The following SYTL5 variants were observed in gnomAD, a reference collection of about 807,000 sequenced individuals.
SYTL5 encodes the protein synaptotagmin like 5.
A neutral mutation model predicts 55.9 loss-of-function variants in SYTL5; 34 were observed. That is an observed-to-expected ratio of 0.61 (90% CI 0.46 to 0.81). The LOEUF (loss-of-function observed/expected upper bound fraction) is 0.81. Among genes scored for constraint, SYTL5 ranks in the 30% least tolerant of loss-of-function variants. The pLI is 0.00. For synonymous variants in SYTL5, 221 were observed against 188.7 expected (o/e 1.17, Z -1.40); for missense variants, 637 against 546.7 (o/e 1.17, Z -1.65).
chrX:37,956,787 T>G, the SYTL5 span, among the ~76,000 whole-genome samples: 1 of 111,950 alleles, frequency 8.9e-6, no homozygotes, highest in Non-Finnish European at 1.9e-5. Context: ...ATATTTCTAT[T>G]TAATACCAGT....
chrX:37,976,781 C>T, the SYTL5 span, among the ~76,000 whole-genome samples: 10 of 99,139 alleles, frequency 1.0e-4, no homozygotes, highest in Non-Finnish European at 1.8e-4. Flanking sequence ...TGGTGAGGCC[C>T]TGTCTCTACT....
In SYTL5 at chrX:38,054,340, G is replaced by T. The variant is rs376473841; in HGVS notation, c.247G>T (p.Ala83Ser). The change falls in exon 3 of 17, where the codon GCT becomes TCT. Residue 83 changes from alanine (A) to serine (S), a missense_variant. Coordinates refer to ENST00000297875, the MANE Select transcript of SYTL5 (RefSeq NM_138780.3). Reference sequence around the variant, plus strand: ...CTTTGACCGGGGAGACCCTTGTCAGGCTTGCTCACTGAGGGTATGCAGGGA... The same window carrying T: ...CTTTGACCGGGGAGACCCTTGTCAGTCTTGCTCACTGAGGGTATGCAGGGA... Reference protein sequence around the residue: ...LIFDRGDPCQACSLRVCRECR... With the variant: ...LIFDRGDPCQSCSLRVCRECR... The T allele has an allele frequency of 1.7e-6, 2 of 1,211,349 alleles. No homozygotes were observed. The highest frequency in any genetic ancestry group is 3.5e-5 in the African/African-American group (2 of 57,746).
At chrX:37,954,460 C>G in the SYTL5 span, among the ~76,000 whole-genome samples, 12 of 111,316 alleles carry the variant, frequency 1.1e-4, no homozygotes, top group Admixed American at 9.6e-4. Flanking sequence ...ATGCTCTCCT[C>G]AAGGAAACAT....
Position 38,126,573 on chromosome X carries a change from G to A in SYTL5, c.2051-15G>A, listed in dbSNP as rs72619439. 1.9e-3 allele frequency: 2,270 copies of A among 1,208,518 alleles called. 39 individuals are homozygous for A. The East Asian group carries it at 0.052, about 28-fold the overall frequency. On this transcript the variant is annotated splice_polypyrimidine_tract_variant and intron_variant, in intron 16 of 16. Transcript: ENST00000297875. The stretch of plus-strand genomic sequence containing the variant: ...TTCATGTGTGACATAAAATTTTCCC[G>A]TTTCGCCTCTTCAGGTGTGAGCCAT...
At chrX:37,913,447 T>C in the SYTL5 span, among the ~76,000 whole-genome samples, 1 of 112,806 alleles carries the variant, frequency 8.9e-6, no homozygotes, top group Non-Finnish European at 1.9e-5. Flanking sequence ...CACAGCCTTA[T>C]AGCCTACCAT....
the SYTL5 span, among the ~76,000 whole-genome samples, chrX:37,921,418 G>A: frequency 9.0e-6 from 1 of 110,723 alleles, no homozygotes; most frequent in Non-Finnish European, 1.9e-5. Context: ...TTCTCATTGT[G>A]CTACCAAGAA....
At chrX:38,074,315 A>G (rs1936336563) in intron 5 of SYTL5, among the ~76,000 whole-genome samples, 1 of 111,950 alleles carries the variant, frequency 8.9e-6, no homozygotes. Context: ...CCAAAAGGAA[A>G]CTGCATTTTT....
chrX:38,100,424 T>C (rs941254247), intron 9 of SYTL5, among the ~76,000 whole-genome samples: 3 of 111,134 alleles, frequency 2.7e-5, no homozygotes, highest in African/African-American at 9.8e-5. Flanking sequence ...AAAATTACAG[T>C]TTTCAAGAAC....
intron 16 of SYTL5, among the ~76,000 whole-genome samples, chrX:38,126,075 C>T (rs891349720): frequency 6.2e-5 from 7 of 112,092 alleles, no homozygotes; most frequent in South Asian, 3.7e-4. Context: ...TAGTAGAGCA[C>T]GTGCATTCCC....
At chrX:38,079,697 G>T (rs1169213667) in intron 6 of SYTL5, among the ~76,000 whole-genome samples, 1 of 111,995 alleles carries the variant, frequency 8.9e-6, no homozygotes, top group African/African-American at 3.2e-5. Context: ...AGACAGAATA[G>T]AGAAGAGGAA....
At position 38,009,270 on chromosome X, in the gene SYTL5, C is replaced by A. The variant is rs915025495; in HGVS notation, c.-357+2602C>A. ...TATCAACCCTTAGTTTTAAATATCA[C>A]CTCTAAGTGGATACCTCCAAGACTT... On this transcript the variant is annotated intron_variant, in intron 1 of 16. Coordinates refer to ENST00000297875, the MANE Select transcript of SYTL5 (RefSeq NM_138780.3). Among the ~76,000 whole-genome samples, 9 of 112,013 alleles carry A rather than the reference C, an allele frequency of 8.0e-5. No individual in the cohort carries two copies. The South Asian group carries it at 3.3e-3, about 42-fold the overall frequency.
At chrX:38,126,539 G>A in intron 16 of SYTL5, 49 bp from the exon 17 acceptor site, 1 of 1,196,080 alleles carries the variant, frequency 8.4e-7, no homozygotes, top group Non-Finnish European at 1.1e-6. Context: ...TTGCAGGAGA[G>A]CAAAGCATTT....
At chrX:38,109,562 A>T (rs190108484) in intron 12 of SYTL5, among the ~76,000 whole-genome samples, 14 of 110,338 alleles carry the variant, frequency 1.3e-4, no homozygotes, top group African/African-American at 4.6e-4. Flanking sequence ...CCATAACAGG[A>T]TAGGAAAGAT....
At chrX:37,895,958 T>C in the SYTL5 span, among the ~76,000 whole-genome samples, 1 of 112,447 alleles carries the variant, frequency 8.9e-6, no homozygotes, top group Non-Finnish European at 1.9e-5. Context: ...CAAATGTTTT[T>C]TGCATGATTA....
Position 38,033,757 on chromosome X carries a change from G to A in SYTL5, c.-133G>A. On this transcript the variant is annotated 5_prime_UTR_variant, in exon 2 of 17. Coordinates refer to ENST00000297875, the MANE Select transcript of SYTL5 (RefSeq NM_138780.3). ...TAACTACCATACGCAATTCTGCAGA[G>A]ACCTTGTAAAAATCACACTTTACAC... is the stretch of plus-strand genomic sequence containing the variant. 1 of 404,860 alleles carries A rather than the reference G, an allele frequency of 2.5e-6. No individual in the cohort carries two copies. The highest frequency in any genetic ancestry group is 5.3e-5 in the South Asian group (1 of 18,751). 33.4% of individuals were successfully genotyped at this position (404,860 alleles called of 1,213,427 possible). A position where few individuals can be genotyped will look rare whatever the true frequency, so the allele number is the denominator to read the frequency against.
chrX:38,058,676 T>C (rs1401734549), intron 3 of SYTL5, among the ~76,000 whole-genome samples: 1 of 111,540 alleles, frequency 9.0e-6, no homozygotes, highest in Non-Finnish European at 1.9e-5. Context: ...GCTATCAGTA[T>C]ATTATTGTTC....
upstream of SYTL5, among the ~76,000 whole-genome samples, chrX:38,003,523 C>T (rs930030765): frequency 7.2e-5 from 8 of 111,012 alleles, no homozygotes; most frequent in East Asian, 8.5e-4. Flanking sequence ...TTACAAGGGA[C>T]GTGAAGGACC....
At chrX:37,940,051 G>A in the SYTL5 span, among the ~76,000 whole-genome samples, 22 of 110,068 alleles carry the variant, frequency 2.0e-4, no homozygotes, top group African/African-American at 7.3e-4. Context: ...GGCCAGGCAG[G>A]TCTCGAACTC....
intron 1 of SYTL5, among the ~76,000 whole-genome samples, chrX:38,032,796 C>G (rs752526197): frequency 9.0e-6 from 1 of 110,746 alleles, no homozygotes; most frequent in Admixed American, 9.7e-5. Context: ...GGTGAAATCT[C>G]AAAGCTCACT....
Sources: gnomAD v4.1 joint callset for allele counts (sites outside exome capture counted in the v4.1 genomes callset) on GRCh38, gnomAD v4.1.1 for gene constraint, MANE v1.5 for transcripts, NCBI Gene and HGNC (gene_info 2026-07-23, HGNC 2026-07-21) for gene names.